Variants in NT5DC1 observed in about 807,000 individuals in gnomAD.
NT5DC1 encodes 5'-nucleotidase domain-containing protein 1.
A neutral mutation model predicts 59.4 loss-of-function variants in NT5DC1; 42 were observed. The ratio of observed to expected loss-of-function variants is 0.71; its 90% confidence interval spans 0.55 to 0.92. NT5DC1 has a LOEUF of 0.92. NT5DC1 is among the 40% of genes least tolerant of loss of function. The pLI is 0.00. For missense variants in NT5DC1, 501 were observed against 537.1 expected (o/e 0.93, Z 0.66); for synonymous variants, 172 against 188.1 (o/e 0.91, Z 0.70).
At chr6:116,185,914 G>A (rs1780985418) in intron 6 of NT5DC1, among the ~76,000 whole-genome samples, 1 of 151,950 alleles carries the variant, frequency 6.6e-6, no homozygotes, top group African/African-American at 2.4e-5. Context: ...CCTGCAAGTT[G>A]TTTCCTGAAA....
At chr6:116,134,612 C>A (rs961387096) in intron 6 of NT5DC1, among the ~76,000 whole-genome samples, 1 of 152,096 alleles carries the variant, frequency 6.6e-6, no homozygotes, top group Non-Finnish European at 1.5e-5. Flanking sequence ...TAGGGCCATT[C>A]GCATGGTGCT....
intron 6 of NT5DC1, among the ~76,000 whole-genome samples, chr6:116,152,480 T>C (rs1323148719): frequency 6.6e-6 from 1 of 152,156 alleles, no homozygotes; most frequent in Admixed American, 6.6e-5. Context: ...ATGGTGATTA[T>C]CTACCCCACC....
At chr6:116,177,679 T>C (rs1780763691) in intron 6 of NT5DC1, among the ~76,000 whole-genome samples, 1 of 152,184 alleles carries the variant, frequency 6.6e-6, no homozygotes, top group African/African-American at 2.4e-5. Flanking sequence ...TAAGAGATAA[T>C]GTATCAAAAT....
At chr6:116,200,186 T>C (rs146416206) in intron 6 of NT5DC1, among the ~76,000 whole-genome samples, 1 of 151,952 alleles carries the variant, frequency 6.6e-6, no homozygotes, top group Non-Finnish European at 1.5e-5. Flanking sequence ...GTCAGACAAA[T>C]CCCAATTGAA....
chr6:116,179,010 T>G (rs1339380959), intron 6 of NT5DC1, among the ~76,000 whole-genome samples: 2 of 152,208 alleles, frequency 1.3e-5, no homozygotes, highest in Non-Finnish European at 2.9e-5. Flanking sequence ...GTTATACAAA[T>G]GGTAATTTCT....
At chr6:116,145,714 ATAGT>A (rs1582833008) in intron 6 of NT5DC1, among the ~76,000 whole-genome samples, 1 of 152,300 alleles carries the variant, frequency 6.6e-6, no homozygotes, top group East Asian at 1.9e-4. Context: ...AAAATAAAAA[ATAGT>A]TTGTTTCATT....
intron 6 of NT5DC1, among the ~76,000 whole-genome samples, chr6:116,171,821 A>G (rs1022396471): frequency 1.3e-5 from 2 of 152,206 alleles, no homozygotes; most frequent in Non-Finnish European, 2.9e-5. Flanking sequence ...TAAATGTGCA[A>G]TTTGTAAATT....
At chr6:116,141,885 A>AACACACAC (rs3051942) in intron 6 of NT5DC1, among the ~76,000 whole-genome samples, 2,547 of 140,374 alleles carry the variant, frequency 0.018, 70 homozygotes, top group African/African-American at 0.062. Context: ...CCAAAAAGAA[A>AACACACAC]ACACACACAC....
At chr6:116,118,105 C>T (rs1457210431) in intron 6 of NT5DC1, 160 bp downstream of exon 6, 2 of 660,300 alleles carry the variant, frequency 3.0e-6, no homozygotes, top group African/African-American at 3.7e-5. Flanking sequence ...TTTCAGAAGT[C>T]CTTTTATTTG....
intron 5 of NT5DC1, 92 bp downstream of exon 5, chr6:116,115,862 C>T: frequency 3.2e-6 from 2 of 618,382 alleles, no homozygotes; most frequent in South Asian, 4.3e-5. Flanking sequence ...TGTGATTTTG[C>T]TTAGTTTCTT....
intron 6 of NT5DC1, among the ~76,000 whole-genome samples, chr6:116,157,037 G>A (rs903343440): frequency 5.9e-5 from 9 of 152,096 alleles, no homozygotes; most frequent in African/African-American, 1.9e-4. Flanking sequence ...TCACTTCATA[G>A]CACTGCCTCC....
intron 5 of NT5DC1, 39 bp from the exon 6 acceptor site, chr6:116,117,822 G>A: frequency 8.4e-7 from 1 of 1,190,340 alleles, no homozygotes; most frequent in South Asian, 1.3e-5. Flanking sequence ...CTTAAAAACT[G>A]AATTATTGTG....
intron 6 of NT5DC1, among the ~76,000 whole-genome samples, chr6:116,215,219 T>C (rs1485415146): frequency 6.6e-6 from 1 of 152,186 alleles, no homozygotes; most frequent in African/African-American, 2.4e-5. Flanking sequence ...GGAGGACACA[T>C]GCTTCTTACC....
At chr6:116,180,428 C>T (rs1002322116) in intron 6 of NT5DC1, among the ~76,000 whole-genome samples, 1 of 151,992 alleles carries the variant, frequency 6.6e-6, no homozygotes, top group Non-Finnish European at 1.5e-5. Context: ...ACTTTATAAT[C>T]CCTAATGAAA....
intron 6 of NT5DC1, among the ~76,000 whole-genome samples, chr6:116,152,763 C>T (rs529744712): frequency 6.6e-6 from 1 of 152,254 alleles, no homozygotes; most frequent in African/African-American, 2.4e-5. Flanking sequence ...CCTTTTACAA[C>T]TCTAATATAG....
At chr6:116,145,521 T>C (rs1381048799) in intron 6 of NT5DC1, 4 of 323,018 alleles carry the variant, frequency 1.2e-5, no homozygotes, top group Middle Eastern at 3.9e-4. Context: ...TCCTGTATTA[T>C]TTCATTAGAA....
chr6:116,197,464 A>G (rs921027053), intron 6 of NT5DC1, among the ~76,000 whole-genome samples: 2 of 152,038 alleles, frequency 1.3e-5, no homozygotes, highest in Non-Finnish European at 2.9e-5. Flanking sequence ...AAGAATCAAC[A>G]TTCTTGACCT....
chr6:116,161,074 A>G (rs1165323876), intron 6 of NT5DC1, among the ~76,000 whole-genome samples: 2 of 151,704 alleles, frequency 1.3e-5, no homozygotes, highest in African/African-American at 2.4e-5. Flanking sequence ...CATCATTCTC[A>G]GTAAACTATC....
chr6:116,223,206 G>A, intron 8 of NT5DC1, 75 bp downstream of exon 8: 1 of 713,658 alleles, frequency 1.4e-6, no homozygotes, highest in Non-Finnish European at 2.5e-6. Flanking sequence ...TGTGTTGCAT[G>A]CAATGCCATG....
Sources: allele counts gnomAD v4.1 joint callset (sites outside exome capture counted in the v4.1 genomes callset), GRCh38; gene constraint gnomAD v4.1.1; transcripts MANE v1.5; gene names NCBI Gene and HGNC (gene_info 2026-07-23, HGNC 2026-07-21).